The following TNS1 variants were observed in gnomAD, a reference collection of about 807,000 sequenced individuals.
The protein encoded by TNS1 is tensin 1.
A neutral mutation model predicts 168.6 loss-of-function variants in TNS1; 62 were observed. The observed-to-expected ratio is 0.37, with a 90% CI of 0.30 to 0.45. The LOEUF is 0.45. Ranked by LOEUF, TNS1 falls within the 20% of genes least tolerant of loss-of-function variation. TNS1 has a pLI of 1.00. For missense variants in TNS1, 2,240 were observed against 2,339.4 expected (o/e 0.96, Z 0.88); for synonymous variants, 934 against 933.2 (o/e 1.00, Z -0.02).
Position 217,882,558 on chromosome 2 carries a change from A to G in TNS1, c.1247-147T>C, listed in dbSNP as rs866443609. The G allele has an allele frequency of 1.7e-5, 9 of 525,878 alleles. No homozygotes were observed. In the African/African-American group the frequency reaches 1.8e-4, roughly 10 times the overall value. 32.6% of individuals were successfully genotyped at this position (525,878 alleles called of 1,614,324 possible). On this transcript the variant is annotated intron_variant, in intron 16 of 32. Transcript: ENST00000682258. ...TCAATGTATATTTATACATATATAC[A>G]TGAAATTATATCTATACAATGAAAT...
intron 27 of TNS1, among the ~76,000 whole-genome samples, chr2:217,812,987 T>C (rs912107104): frequency 2.0e-5 from 3 of 152,234 alleles, no homozygotes; most frequent in Non-Finnish European, 2.9e-5. Context: ...CCAGTTATAA[T>C]GATAACAAGT....
At chr2:217,962,790 C>A (rs183102458) in intron 3 of TNS1, among the ~76,000 whole-genome samples, 1 of 152,226 alleles carries the variant, frequency 6.6e-6, no homozygotes, top group African/African-American at 2.4e-5. Context: ...GAAGAACTGT[C>A]CCAGATAGGA....
chr2:217,937,005 TC>T (rs1437679289), intron 3 of TNS1: 1 of 456,852 alleles, frequency 2.2e-6, no homozygotes, highest in Admixed American at 2.3e-5. Context: ...GCACATGCCT[TC>T]CCCTGTGCCT....
At chr2:217,936,279 C>G (rs183444882) in intron 3 of TNS1, among the ~76,000 whole-genome samples, 1 of 152,318 alleles carries the variant, frequency 6.6e-6, no homozygotes, top group African/African-American at 2.4e-5. Flanking sequence ...AGGATCCTCT[C>G]GGTGCCTTAA....
Position 217,905,567 on chromosome 2 carries a change from C to T in TNS1, c.321+768G>A, listed in dbSNP as rs1027088026. 1.5e-5 allele frequency: 4 copies of T among 272,980 alleles called. No homozygotes were observed. In the Admixed American group the frequency reaches 2.0e-4, roughly 14 times the overall value. The allele number at this position is 272,980 out of a possible 1,614,324, so 16.9% of individuals were successfully genotyped here. On this transcript the variant is annotated intron_variant, in intron 6 of 32. Coordinates refer to ENST00000682258, the MANE Select transcript of TNS1 (RefSeq NM_001387777.1). ...GGCCTCGTGCCATCAACATCTACCC[C>T]TGTGCCAACCACCAAAACCACTCCC...
chr2:217,831,414 C>G (rs1015566595), intron 22 of TNS1, 41 bp downstream of exon 22: 1 of 1,506,420 alleles, frequency 6.6e-7, no homozygotes, highest in African/African-American at 1.4e-5. Flanking sequence ...GAGTCCTCCT[C>G]CCCCTGGCCC....
intron 18 of TNS1, 48 bp from the exon 19 acceptor site, chr2:217,849,135 C>A (rs774307085): frequency 1.9e-6 from 3 of 1,566,948 alleles, no homozygotes; most frequent in South Asian, 2.4e-5. Context: ...CAGACATTAG[C>A]GGGAGGCAGG....
chr2:217,817,544 G>A (rs764890614), intron 24 of TNS1, 146 bp downstream of exon 24: 30 of 670,890 alleles, frequency 4.5e-5, no homozygotes, highest in Non-Finnish European at 6.9e-5. Flanking sequence ...CTCTTTATAC[G>A]GATAAAGAAA....
chr2:217,899,761 C>T (rs1952737581), intron 7 of TNS1, among the ~76,000 whole-genome samples: 1 of 152,224 alleles, frequency 6.6e-6, no homozygotes, highest in Non-Finnish European at 1.5e-5. Context: ...ACTCTGCATC[C>T]ACCTGCCCAG....
intron 3 of TNS1, among the ~76,000 whole-genome samples, chr2:217,953,816 G>A (rs928232276): frequency 2.6e-5 from 4 of 152,234 alleles, no homozygotes; most frequent in East Asian, 1.9e-4. Context: ...TTCCACTCCC[G>A]TCTGGCCTGT....
At chr2:217,973,569 C>G (rs1311224907) in intron 3 of TNS1, among the ~76,000 whole-genome samples, 1 of 152,108 alleles carries the variant, frequency 6.6e-6, no homozygotes. Context: ...GGCTCTGACC[C>G]AGGCCCCTCT....
chr2:217,956,404 G>A (rs569482685), intron 3 of TNS1, among the ~76,000 whole-genome samples: 8 of 152,212 alleles, frequency 5.3e-5, no homozygotes, highest in South Asian at 2.1e-4. Context: ...CCTGAGGGGC[G>A]CAGCAGAAGG....
At chr2:217,975,442 C>T (rs16858521) in intron 3 of TNS1, among the ~76,000 whole-genome samples, 3,105 of 152,256 alleles carry the variant, frequency 0.02, 109 homozygotes, top group African/African-American at 0.07. Flanking sequence ...CCTGTCAGAA[C>T]TATCGCTTCG....
chr2:217,882,500 C>T, intron 16 of TNS1, 89 bp from the exon 17 acceptor site: 1 of 714,212 alleles, frequency 1.4e-6, no homozygotes, highest in South Asian at 1.7e-5. Context: ...ATTAAAATAC[C>T]ATATATGTAC....
chr2:217,882,840 A>G (rs1157358618), intron 16 of TNS1, among the ~76,000 whole-genome samples: 1 of 152,124 alleles, frequency 6.6e-6, no homozygotes, highest in East Asian at 1.9e-4. Context: ...CTGTCACCCT[A>G]GATGGAGTAC....
In TNS1 at chr2:217,848,792, C is replaced by A; in HGVS notation, c.1725G>T (p.Glu575Asp). ...GGTACATGGCGCCTTGCTTCTCTCGCTCTAAGCCAAAGCCACTCAGCAGGC... is the reference window on the plus strand; with the variant it reads ...GGTACATGGCGCCTTGCTTCTCTCGATCTAAGCCAAAGCCACTCAGCAGGC... The part of the protein sequence containing the change: ...LDRLLSGFGL[E>D]REKQGAMYHT... The change falls in exon 19 of 33, where the codon GAG becomes GAT. Residue 575 changes from glutamate (E) to aspartate (D), a missense_variant. Glu to Asp is a conservative substitution (Grantham distance 45, BLOSUM62 2). Coordinates refer to ENST00000682258, the MANE Select transcript of TNS1 (RefSeq NM_001387777.1). 1 of 1,614,160 alleles carries A rather than the reference C, an allele frequency of 6.2e-7. No homozygotes were observed.
chr2:218,004,862 C>A (rs1394729152), upstream of TNS1, among the ~76,000 whole-genome samples: 1 of 152,244 alleles, frequency 6.6e-6, no homozygotes, highest in Non-Finnish European at 1.5e-5. Context: ...GCTTCACTGA[C>A]ATTTTAGCCA....
chr2:217,855,964 C>G (rs530618409), intron 18 of TNS1, among the ~76,000 whole-genome samples: 2 of 152,198 alleles, frequency 1.3e-5, no homozygotes, highest in African/African-American at 2.4e-5. Flanking sequence ...CCCCTACAGA[C>G]CTCTCCAGCT....
intron 3 of TNS1, among the ~76,000 whole-genome samples, chr2:217,950,753 C>T (rs183670435): frequency 2.0e-5 from 3 of 151,542 alleles, no homozygotes; most frequent in Admixed American, 2.0e-4. Flanking sequence ...TTCTTCTGTT[C>T]CCCTCCCTCC....
Sources: gnomAD v4.1 joint callset for allele counts (sites outside exome capture counted in the v4.1 genomes callset) on GRCh38, gnomAD v4.1.1 for gene constraint, MANE v1.5 for transcripts, NCBI Gene and HGNC (gene_info 2026-07-23, HGNC 2026-07-21) for gene names.